Variants in PDE10A observed in about 807,000 individuals in gnomAD.
PDE10A encodes the protein phosphodiesterase 10A.
A neutral mutation model predicts 97.7 loss-of-function variants in PDE10A; 39 were observed. The ratio of observed to expected loss-of-function variants is 0.40; its 90% CI spans 0.31 to 0.52. The LOEUF is 0.52. PDE10A is among the 20% of genes least tolerant of loss of function. The pLI is 0.56. For synonymous variants in PDE10A, 371 were observed against 376.8 expected (o/e 0.98, Z 0.18); for missense variants, 731 against 1,047.8 (o/e 0.70, Z 4.17).
intron 1 of PDE10A, among the ~76,000 whole-genome samples, chr6:165,705,080 C>A (rs1219799341): frequency 6.6e-6 from 1 of 152,200 alleles, no homozygotes; most frequent in Non-Finnish European, 1.5e-5. Context: ...GTACCACCCG[C>A]CCCCAGCATG....
intron 1 of PDE10A, among the ~76,000 whole-genome samples, chr6:165,658,135 G>C (rs1431245129): frequency 6.6e-6 from 1 of 152,128 alleles, no homozygotes; most frequent in African/African-American, 2.4e-5. Context: ...GAAGTTAATG[G>C]CGAGTCTAGT....
intron 1 of PDE10A, among the ~76,000 whole-genome samples, chr6:165,823,504 A>ATATG (rs1279520414): frequency 3.9e-5 from 5 of 128,444 alleles, no homozygotes; most frequent in African/African-American, 5.8e-5. Context: ...ATATATATAT[A>ATATG]TATATATATA....
At chr6:165,395,554 A>G (rs1395256914) in intron 14 of PDE10A, among the ~76,000 whole-genome samples, 2 of 152,188 alleles carry the variant, frequency 1.3e-5, no homozygotes, top group South Asian at 2.1e-4. Flanking sequence ...AAAAAGGTAT[A>G]TTACAAATAT....
intron 1 of PDE10A, among the ~76,000 whole-genome samples, chr6:165,651,930 CTT>C (rs1789706556): frequency 6.6e-6 from 1 of 152,108 alleles, no homozygotes; most frequent in Non-Finnish European, 1.5e-5. Flanking sequence ...TGAAATGACA[CTT>C]ATATCATCCT....
chr6:165,391,335 A>T (rs541555187), intron 16 of PDE10A, among the ~76,000 whole-genome samples: 2 of 152,218 alleles, frequency 1.3e-5, no homozygotes, highest in African/African-American at 4.8e-5. Flanking sequence ...AACTTAAATG[A>T]GAGTCAATAT....
At chr6:165,648,107 G>A (rs1789497018) in intron 1 of PDE10A, among the ~76,000 whole-genome samples, 1 of 152,136 alleles carries the variant, frequency 6.6e-6, no homozygotes, top group Admixed American at 6.5e-5. Flanking sequence ...CCACCTCTCG[G>A]GTTCACGCCA....
intron 1 of PDE10A, among the ~76,000 whole-genome samples, chr6:165,546,062 C>T (rs762636713): frequency 2.6e-5 from 4 of 151,952 alleles, no homozygotes; most frequent in African/African-American, 4.8e-5. Flanking sequence ...TACATCCATA[C>T]GACTAAATAT....
chr6:165,588,859 A>C (rs1403795771), intron 1 of PDE10A, among the ~76,000 whole-genome samples: 1 of 152,174 alleles, frequency 6.6e-6, no homozygotes, highest in Non-Finnish European at 1.5e-5. Flanking sequence ...GTTTTTGTGA[A>C]TGTTAAATGA....
intron 1 of PDE10A, among the ~76,000 whole-genome samples, chr6:165,900,603 A>AT (rs1782077365): frequency 6.6e-6 from 1 of 152,078 alleles, no homozygotes; most frequent in Non-Finnish European, 1.5e-5. Context: ...CCCCATGTGT[A>AT]TATACACCTA....
At chr6:165,394,529 T>A (rs758174255) in intron 15 of PDE10A, among the ~76,000 whole-genome samples, 7 of 152,160 alleles carry the variant, frequency 4.6e-5, no homozygotes, top group Non-Finnish European at 5.9e-5. Flanking sequence ...AATAAACATA[T>A]GTGTGCACAT....
intron 1 of PDE10A, among the ~76,000 whole-genome samples, chr6:165,856,240 T>C (rs902425347): frequency 1.1e-4 from 16 of 152,270 alleles, no homozygotes; most frequent in African/African-American, 3.6e-4. Context: ...AGCTCCCAGG[T>C]ATTTCTGTAC....
In PDE10A at chr6:165,662,190, G is replaced by C. The variant is rs1790310164; in HGVS notation, c.622C>G (p.Arg208Gly). ...GGCGGCGGCGGCCGGGGACCGGCAC[G>C]GGCTGGAAGCAGCAAGCCCTGGAGC... ...PALQGLLLPA[R>G]AGPRPPPPPR... The change falls in exon 1 of 22, where the codon CGT (arginine) becomes GGT (glycine). Residue 208 changes from arginine to glycine, a missense_variant. Physicochemically the swap from Arg to Gly is moderately radical, Grantham distance 125 (BLOSUM62 -2). Around this residue, in one of 8 missense-constraint regions of PDE10A, gnomAD observed 181 missense variants for 159.1 expected, o/e 1.14. Coordinates refer to ENST00000539869, the MANE Select transcript of PDE10A (RefSeq NM_001385079.1). The C allele has an allele frequency of 4.3e-6, 1 of 230,072 alleles. No individual in the cohort carries two copies. Among genetic ancestry groups the C allele is most frequent in the Non-Finnish European group, 7.1e-6 (1 of 140,818 alleles). 14.3% of individuals were successfully genotyped at this position (230,072 alleles called of 1,614,324 possible).
At chr6:165,909,160 A>G (rs1013409651) in intron 1 of PDE10A, 7 of 152,244 alleles carry the variant, frequency 4.6e-5, no homozygotes, top group Non-Finnish European at 1.0e-4. Flanking sequence ...AGAGGAATTG[A>G]AGGTGCCACA....
intron 1 of PDE10A, among the ~76,000 whole-genome samples, chr6:165,785,557 C>T (rs574685478): frequency 1.3e-5 from 2 of 152,270 alleles, no homozygotes; most frequent in South Asian, 2.1e-4. Flanking sequence ...AAACCAAATT[C>T]GTATCCACTT....
chr6:165,680,574 T>A (rs1790947109), intron 1 of PDE10A, among the ~76,000 whole-genome samples: 1 of 152,202 alleles, frequency 6.6e-6, no homozygotes, highest in Non-Finnish European at 1.5e-5. Flanking sequence ...TCTACCACTG[T>A]GTAACACATA....
chr6:165,531,051 T>G (rs1209758517), intron 2 of PDE10A, among the ~76,000 whole-genome samples: 3 of 152,028 alleles, frequency 2.0e-5, no homozygotes, highest in Non-Finnish European at 4.4e-5. Flanking sequence ...CATCACTTCC[T>G]TCCTCTCCCT....
At chr6:165,678,081 A>ATG (rs751505702) in intron 1 of PDE10A, among the ~76,000 whole-genome samples, 2 of 143,404 alleles carry the variant, frequency 1.4e-5, no homozygotes, top group South Asian at 4.6e-4. Flanking sequence ...TTGTATAGCT[A>ATG]TGTGTGTGTA....
chr6:165,982,872 G>GAAACA (rs1251192093), intron 1 of PDE10A, among the ~76,000 whole-genome samples: 42 of 151,978 alleles, frequency 2.8e-4, no homozygotes, highest in Admixed American at 8.5e-4. Flanking sequence ...AAGAAAAGAA[G>GAAACA]AAACAAAACA....
intron 2 of PDE10A, among the ~76,000 whole-genome samples, chr6:165,522,067 T>C (rs577683475): frequency 6.6e-6 from 1 of 152,314 alleles, no homozygotes; most frequent in South Asian, 2.1e-4. Flanking sequence ...TGTTTATCCA[T>C]TCTTCTGTTC....
Sources: gnomAD v4.1 joint callset for allele counts (sites outside exome capture counted in the v4.1 genomes callset) on GRCh38, gnomAD v4.1.1 for gene constraint, gnomAD v4.1.1 regional missense constraint, MANE v1.5 for transcripts, NCBI Gene and HGNC (gene_info 2026-07-23, HGNC 2026-07-21) for gene names.